Variants in STX8 observed in about 807,000 individuals in gnomAD.
STX8 encodes the protein syntaxin-8.
In STX8, 23 loss-of-function variants were observed where a neutral mutation model predicts 37.5. That is an observed-to-expected ratio of 0.61 (90% confidence interval 0.44 to 0.87). The LOEUF (loss-of-function observed/expected upper bound fraction) is 0.87. Ranked by LOEUF, STX8 falls within the 40% of genes least tolerant of loss-of-function variation. The pLI, the probability that STX8 is intolerant of heterozygous loss-of-function variation, is 0.00. For missense variants in STX8, 313 were observed against 284.7 expected, an observed-to-expected ratio of 1.10 and a Z score of -0.71; for synonymous variants, 115 against 99.1, an observed-to-expected ratio of 1.16 and a Z score of -0.95.
intron 3 of STX8, chr17:9,556,770 T>TATATATATATACATAC (rs1567609005): frequency 1.4e-4 from 10 of 72,716 alleles, no homozygotes; most frequent in African/African-American, 4.9e-4. Flanking sequence ...TATATATATA[T>TATATATATATACATAC]ATATATATAT....
At chr17:9,520,442 C>G (rs1229038273) in intron 4 of STX8, among the ~76,000 whole-genome samples, 1 of 152,158 alleles carries the variant, frequency 6.6e-6, no homozygotes, top group Non-Finnish European at 1.5e-5. Flanking sequence ...ATGCTAAATA[C>G]TATGCTTCTG....
At chr17:9,338,041 C>A (rs1237591250) in intron 7 of STX8, among the ~76,000 whole-genome samples, 1 of 140,772 alleles carries the variant, frequency 7.1e-6, no homozygotes, top group Non-Finnish European at 1.5e-5. Flanking sequence ...TGGGGCACCT[C>A]TGAAGGATTT....
In STX8 at chr17:9,496,028, AG is replaced by A. The variant is rs1904384351; in HGVS notation, c.449-4108del. 2.1e-5 allele frequency among the ~76,000 whole-genome samples: 3 copies of A among 145,776 alleles called. No individual in the cohort carries two copies. The South Asian group carries it at 6.9e-4, about 34-fold the overall frequency. ...ATATAGCAAGACTCCTGTCTCAAAA[AG>A]AAAAAAAGAAGAAGAAACCATACCA... is the stretch of plus-strand genomic sequence containing the variant. On this transcript the variant is annotated intron_variant, in intron 5 of 7. Transcript: ENST00000306357.
At chr17:9,501,284 G>T (rs1045995252) in intron 5 of STX8, among the ~76,000 whole-genome samples, 9 of 152,186 alleles carry the variant, frequency 5.9e-5, no homozygotes, top group African/African-American at 1.2e-4. Context: ...AACGAAGCTG[G>T]ATGACCTGTA....
intron 6 of STX8, among the ~76,000 whole-genome samples, chr17:9,429,012 A>C (rs1485376798): frequency 6.6e-6 from 1 of 152,122 alleles, no homozygotes; most frequent in East Asian, 1.9e-4. Context: ...ATTTCATGAA[A>C]GGGTACCTTT....
At chr17:9,415,036 C>A (rs1183610390) in intron 6 of STX8, among the ~76,000 whole-genome samples, 4 of 151,998 alleles carry the variant, frequency 2.6e-5, no homozygotes, top group East Asian at 3.9e-4. Context: ...GGTGGCCCAC[C>A]CGCCTCGGCC....
intron 7 of STX8, among the ~76,000 whole-genome samples, chr17:9,352,086 G>C (rs1028500834): frequency 3.1e-4 from 47 of 151,368 alleles, no homozygotes; most frequent in African/African-American, 1.0e-3. Context: ...GGAAGATGGA[G>C]GGCTTCGGTG....
At position 9,535,722 on chromosome 17, in the gene STX8, G is replaced by A. The variant is rs112516962; in HGVS notation, c.323+9450C>T. ...GCTGGGATTACAGGCGTGAGCCATC[G>A]TGCCCATCCTCCAGCCATCCTACTT... is the stretch of plus-strand genomic sequence containing the variant. On this transcript the variant is annotated intron_variant, in intron 4 of 7. Coordinates refer to ENST00000306357, the MANE Select transcript of STX8 (RefSeq NM_004853.3). 5.9e-5 allele frequency among the ~76,000 whole-genome samples: 9 copies of A among 151,716 alleles called. No individual in the cohort carries two copies. The South Asian group carries it at 8.4e-4, about 14-fold the overall frequency.
chr17:9,449,425 C>T (rs1359938814), intron 6 of STX8, among the ~76,000 whole-genome samples: 1 of 152,108 alleles, frequency 6.6e-6, no homozygotes, highest in Non-Finnish European at 1.5e-5. Context: ...CCGGACATGG[C>T]GGCGGGCGCC....
chr17:9,370,497 C>T (rs1001736617), intron 7 of STX8, among the ~76,000 whole-genome samples: 2 of 152,174 alleles, frequency 1.3e-5, no homozygotes, highest in Non-Finnish European at 2.9e-5. Context: ...AACCAGGGTC[C>T]TGCCCCACCT....
chr17:9,528,991 C>T (rs541277710), intron 4 of STX8, among the ~76,000 whole-genome samples: 2 of 151,662 alleles, frequency 1.3e-5, no homozygotes, highest in African/African-American at 2.4e-5. Flanking sequence ...AGAGTCATTA[C>T]GGGGGAAATA....
chr17:9,396,728 A>G (rs1443550833), intron 6 of STX8, among the ~76,000 whole-genome samples: 2 of 148,748 alleles, frequency 1.3e-5, no homozygotes, highest in Non-Finnish European at 3.0e-5. Flanking sequence ...AAAAAAAAAA[A>G]CAACTCTATA....
At chr17:9,348,467 A>ATATACATATG in intron 7 of STX8, among the ~76,000 whole-genome samples, 1 of 151,618 alleles carries the variant, frequency 6.6e-6, no homozygotes, top group Non-Finnish European at 1.5e-5. Context: ...TAGCCTATCC[A>ATATACATATG]AACCATTCAT....
chr17:9,486,011 T>A (rs771585912), intron 6 of STX8, among the ~76,000 whole-genome samples: 1 of 152,098 alleles, frequency 6.6e-6, no homozygotes, highest in African/African-American at 2.4e-5. Flanking sequence ...ATGCCAAGCA[T>A]CCAAAACAGT....
intron 7 of STX8, among the ~76,000 whole-genome samples, chr17:9,259,996 T>C (rs909885122): frequency 4.0e-5 from 6 of 151,616 alleles, no homozygotes; most frequent in East Asian, 1.9e-4. Flanking sequence ...GGCGGGTGGA[T>C]TGCATGAGCC....
intron 6 of STX8, among the ~76,000 whole-genome samples, chr17:9,401,226 C>T (rs3859262): frequency 0.57 from 86,322 of 152,038 alleles, 25,072 homozygotes; most frequent in East Asian, 0.77. Context: ...GTCTAGAATG[C>T]TATTTCTGGG....
chr17:9,367,164 T>G (rs928266578), intron 7 of STX8, among the ~76,000 whole-genome samples: 9 of 143,994 alleles, frequency 6.3e-5, no homozygotes, highest in African/African-American at 1.8e-4. Context: ...TGGGTTTTTG[T>G]TTTTTTTGTT....
At chr17:9,538,555 T>C (rs1461240234) in intron 4 of STX8, among the ~76,000 whole-genome samples, 1 of 152,212 alleles carries the variant, frequency 6.6e-6, no homozygotes, top group African/African-American at 2.4e-5. Flanking sequence ...ATTGGAAATA[T>C]CATGTTTTGT....
intron 4 of STX8, among the ~76,000 whole-genome samples, chr17:9,525,824 T>A (rs895766208): frequency 2.0e-5 from 3 of 152,230 alleles, no homozygotes; most frequent in African/African-American, 7.2e-5. Context: ...CTATCGTTCA[T>A]TAATGTCTAT....
Sources: allele counts gnomAD v4.1 joint callset (sites outside exome capture counted in the v4.1 genomes callset), GRCh38; gene constraint gnomAD v4.1.1; transcripts MANE v1.5; gene names NCBI Gene and HGNC (gene_info 2026-07-23, HGNC 2026-07-21).